Variants in GRIK2 observed in about 807,000 individuals in gnomAD.
GRIK2 encodes glutamate ionotropic receptor kainate type subunit 2.
Under a neutral mutation model 100.3 loss-of-function variants are expected in GRIK2, and 32 were observed. That is an observed-to-expected ratio of 0.32 (90% CI 0.24 to 0.43). The LOEUF is 0.43. GRIK2 is among the 20% of genes least tolerant of loss of function. The probability of loss-of-function intolerance (pLI) is 1.00; values close to 1 mark genes in which losing one functional copy is unlikely to be tolerated. For missense variants in GRIK2, 843 were observed against 1,114.9 expected, an observed-to-expected ratio of 0.76 and a Z score of 3.47; for synonymous variants, 417 against 389.4, an observed-to-expected ratio of 1.07 and a Z score of -0.83.
chr6:101,926,515 G>A lies in GRIK2; in HGVS notation c.1867+1796G>A, dbSNP rs1196052702. 2.0e-5 allele frequency among the ~76,000 whole-genome samples: 3 copies of A among 152,134 alleles called. No homozygotes were observed. In the South Asian group the frequency reaches 6.2e-4, roughly 32 times the overall value. ...TTTAAAAAAATATTTGGAGGTCTTT[G>A]AGAATTTGTATGCTCATAGGACAAA... On this transcript the variant is annotated intron_variant, in intron 13 of 16. Transcript: ENST00000369134.
chr6:101,967,047 A>AATT (rs1792726289), intron 14 of GRIK2, among the ~76,000 whole-genome samples: 1 of 151,978 alleles, frequency 6.6e-6, no homozygotes, highest in African/African-American at 2.4e-5. Flanking sequence ...TATAAAACAA[A>AATT]ATTATAGTTG....
At chr6:102,047,299 T>A (rs899992416) in intron 15 of GRIK2, among the ~76,000 whole-genome samples, 2 of 151,750 alleles carry the variant, frequency 1.3e-5, no homozygotes, top group African/African-American at 2.4e-5. Flanking sequence ...TAGACAAACC[T>A]TTTACTAGGC....
In GRIK2 at chr6:101,900,433, C is replaced by A. The variant is rs147420677; in HGVS notation, c.1748+10570C>A. ...GAGCCGAGATCGTGAGCCGAGATCG[C>A]GCCATTGCACTCCAGCCTGGGCAAC... On this transcript the variant is annotated intron_variant, in intron 12 of 16. Transcript: ENST00000369134. Among the ~76,000 whole-genome samples, 66 of 152,162 alleles carry A rather than the reference C, an allele frequency of 4.3e-4. 2 individuals are homozygous for A. The highest frequency in any genetic ancestry group is 1.5e-3 in the African/African-American group (64 of 41,500).
intron 7 of GRIK2, among the ~76,000 whole-genome samples, chr6:101,791,277 C>T (rs956148866): frequency 5.3e-5 from 8 of 152,028 alleles, no homozygotes; most frequent in African/African-American, 1.9e-4. Context: ...TCTTGCTTTT[C>T]TGGTTCTTTT....
intron 4 of GRIK2, among the ~76,000 whole-genome samples, chr6:101,630,706 G>A (rs1168767452): frequency 1.3e-5 from 2 of 152,080 alleles, no homozygotes; most frequent in African/African-American, 4.8e-5. Context: ...TCTCAAAAGA[G>A]CAAGATGACT....
At chr6:101,994,525 A>G (rs1794549589) in intron 14 of GRIK2, among the ~76,000 whole-genome samples, 1 of 151,856 alleles carries the variant, frequency 6.6e-6, no homozygotes, top group Non-Finnish European at 1.5e-5. Flanking sequence ...TTCTTATTAA[A>G]TTATGTGATT....
intron 15 of GRIK2, among the ~76,000 whole-genome samples, chr6:102,051,758 C>T (rs1771209784): frequency 6.6e-6 from 1 of 152,094 alleles, no homozygotes; most frequent in Non-Finnish European, 1.5e-5. Flanking sequence ...GGTTGTCTGT[C>T]CTCCTAACAG....
intron 7 of GRIK2, among the ~76,000 whole-genome samples, chr6:101,695,665 A>G (rs1200399469): frequency 6.6e-6 from 1 of 152,070 alleles, no homozygotes; most frequent in African/African-American, 2.4e-5. Flanking sequence ...ATGCTCTTTG[A>G]CTTATGACAG....
In GRIK2 at chr6:101,830,100, T is replaced by C. The variant is rs1401889751; in HGVS notation, c.1317+11617T>C. On this transcript the variant is annotated intron_variant, in intron 10 of 16. Coordinates refer to ENST00000369134, the MANE Select transcript of GRIK2 (RefSeq NM_021956.5). Reference sequence around the variant, plus strand: ...AGACACATAAACCAATGTAACAGAATAGAAAACTCAGAAATAAGGCTACAC... The same window carrying C: ...AGACACATAAACCAATGTAACAGAACAGAAAACTCAGAAATAAGGCTACAC... Among the ~76,000 whole-genome samples the C allele has an allele frequency of 4.0e-5, 6 of 151,864 alleles. 1 individual carries two copies. Among genetic ancestry groups the C allele is most frequent in the African/African-American group, 7.2e-5 (3 of 41,380 alleles).
At chr6:101,887,332 TAA>T (rs1462204894) in intron 11 of GRIK2, among the ~76,000 whole-genome samples, 1 of 152,086 alleles carries the variant, frequency 6.6e-6, no homozygotes, top group African/African-American at 2.4e-5. Context: ...AATTAAAAAA[TAA>T]AAAGTTACCA....
chr6:101,899,096 G>GTTTTT (rs1372120727), intron 12 of GRIK2, among the ~76,000 whole-genome samples: 2 of 133,068 alleles, frequency 1.5e-5, no homozygotes, highest in Non-Finnish European at 3.3e-5. Flanking sequence ...TCTTTTTGTT[G>GTTTTT]TTTTTGTTTT....
chr6:101,830,953 G>T lies in GRIK2; in HGVS notation c.1317+12470G>T, dbSNP rs534619655. Among the ~76,000 whole-genome samples the T allele has an allele frequency of 2.0e-5, 3 of 151,938 alleles. No individual in the cohort carries two copies. The South Asian group carries it at 6.2e-4, about 32-fold the overall frequency. ...AACAAGATGGGAACAATAGATACTG[G>T]AAATTCCAAAGAGGGAGGGAGAAAA... On this transcript the variant is annotated intron_variant, in intron 10 of 16. Coordinates refer to ENST00000369134, the MANE Select transcript of GRIK2 (RefSeq NM_021956.5).
intron 8 of GRIK2, 96 bp from the exon 9 acceptor site, chr6:101,802,235 T>A (rs1432669767): frequency 2.3e-6 from 1 of 442,558 alleles, no homozygotes; most frequent in Non-Finnish European, 4.1e-6. Context: ...CAATGTAAAC[T>A]GAAAAGTAAT....
intron 7 of GRIK2, among the ~76,000 whole-genome samples, chr6:101,786,229 A>C (rs1382070250): frequency 1.3e-5 from 2 of 151,670 alleles, no homozygotes; most frequent in African/African-American, 4.9e-5. Flanking sequence ...TTTAAAACAT[A>C]AGATCATGTC....
chr6:101,922,084 C>CTTCT (rs1789561064), intron 12 of GRIK2, among the ~76,000 whole-genome samples: 1 of 42,844 alleles, frequency 2.3e-5, no homozygotes, highest in Non-Finnish European at 4.6e-5. Context: ...CATTTCCTTC[C>CTTCT]TTCCTTCCTT....
chr6:101,984,486 T>G (rs1026599430), intron 14 of GRIK2, among the ~76,000 whole-genome samples: 4 of 151,612 alleles, frequency 2.6e-5, no homozygotes, highest in African/African-American at 9.7e-5. Context: ...TGGACACAAC[T>G]GAACATCTAA....
chr6:101,743,198 G>C (rs1776158502), intron 7 of GRIK2, among the ~76,000 whole-genome samples: 1 of 152,168 alleles, frequency 6.6e-6, no homozygotes. Flanking sequence ...CATTGGACAA[G>C]AGCTGACCAA....
intron 2 of GRIK2, among the ~76,000 whole-genome samples, chr6:101,589,778 C>T (rs1010398071): frequency 3.3e-5 from 5 of 151,968 alleles, no homozygotes; most frequent in African/African-American, 9.7e-5. Flanking sequence ...ATGATTGGGA[C>T]ATCAAAATAG....
chr6:102,026,450 C>A (rs12214473), intron 14 of GRIK2, among the ~76,000 whole-genome samples: 11,100 of 150,740 alleles, frequency 0.074, 575 homozygotes, highest in Middle Eastern at 0.2. Flanking sequence ...GTCCACATGA[C>A]AGTAAAATAT....
Sources: gnomAD v4.1 joint callset for allele counts (sites outside exome capture counted in the v4.1 genomes callset) on GRCh38, gnomAD v4.1.1 for gene constraint, MANE v1.5 for transcripts, NCBI Gene and HGNC (gene_info 2026-07-23, HGNC 2026-07-21) for gene names.